The following ZNF777 variants were observed in gnomAD, a reference collection of about 807,000 sequenced individuals.
The protein encoded by ZNF777 is zinc finger protein 777.
A neutral mutation model predicts 72.1 loss-of-function variants in ZNF777; 7 were observed. The ratio of observed to expected loss-of-function variants is 0.10; its 90% CI spans 0.06 to 0.18. The LOEUF is 0.18. Among genes scored for constraint, ZNF777 ranks in the 10% least tolerant of loss-of-function variants. The pLI is 1.00. For synonymous variants in ZNF777, 545 were observed against 483.5 expected (o/e 1.13, Z -1.67); for missense variants, 828 against 1,128.6 (o/e 0.73, Z 3.82).
chr7:149,433,393 CTACT>C (rs1036055105), intron 5 of ZNF777, among the ~76,000 whole-genome samples: 7 of 152,186 alleles, frequency 4.6e-5, no homozygotes, highest in African/African-American at 1.4e-4. Context: ...TTCCATTAGG[CTACT>C]TAAAGGTTGG....
chr7:149,439,822 GATAA>G (rs1266254290), intron 4 of ZNF777, among the ~76,000 whole-genome samples: 6 of 152,220 alleles, frequency 3.9e-5, no homozygotes, highest in East Asian at 1.9e-4. Flanking sequence ...ACTATAGAAT[GATAA>G]ATAATTATCC....
Position 149,450,373 on chromosome 7 carries a change from A to G in ZNF777, c.1087+626T>C, listed in dbSNP as rs571139760. On this transcript the variant is annotated intron_variant, in intron 4 of 5. Transcript: ENST00000247930. Reference sequence around the variant, plus strand: ...TCACTGTGCCAGGCCCTACGGTTAGATATTAGTGCCAGTTCTATTTTATAG... The same window carrying G: ...TCACTGTGCCAGGCCCTACGGTTAGGTATTAGTGCCAGTTCTATTTTATAG... Among the ~76,000 whole-genome samples the G allele has an allele frequency of 1.6e-3, 249 of 152,338 alleles. 1 individual carries two copies. The highest frequency in any genetic ancestry group is 2.7e-3 in the Non-Finnish European group (186 of 68,034).
chr7:149,439,238 C>T (rs775722885), intron 4 of ZNF777, among the ~76,000 whole-genome samples: 2 of 152,020 alleles, frequency 1.3e-5, no homozygotes, highest in African/African-American at 4.8e-5. Context: ...CTTGTCTCTG[C>T]GCTAAATTGT....
rs1405854531 is a variant in ZNF777, at chr7:149,436,266, C to T, written c.1339+309G>A. On this transcript the variant is annotated intron_variant, in intron 5 of 5. Transcript: ENST00000247930. The surrounding 1 kb of genome is among the most constrained non-coding windows in gnomAD (Gnocchi z 5.0). Reference sequence around the variant, plus strand: ...GGGAGAGTTCTAGCTTTGCCACTCTCTGTGTGGCCTTGCCCCATCTATTTA... The same window carrying T: ...GGGAGAGTTCTAGCTTTGCCACTCTTTGTGTGGCCTTGCCCCATCTATTTA... 6.6e-6 allele frequency among the ~76,000 whole-genome samples: 1 copy of T among 152,126 alleles called. No homozygotes were observed. The highest frequency in any genetic ancestry group is 1.5e-5 in the Non-Finnish European group (1 of 68,006).
chr7:149,455,932 T>C lies in ZNF777; in HGVS notation c.91A>G (p.Thr31Ala). The C allele has an allele frequency of 6.2e-7, 1 of 1,613,266 alleles. No individual in the cohort carries two copies. Among genetic ancestry groups the C allele is most frequent in the South Asian group, 1.1e-5 (1 of 91,032 alleles). Residue 31 changes from threonine (T) to alanine (A), a missense_variant, in exon 2 of 6, where the codon ACT (threonine) becomes GCT (alanine). This residue lies in a region of ZNF777 where 222 missense variants were observed against 211.2 expected (regional missense o/e 1.05). Transcript: ENST00000247930. This position sits in a 1 kb window ranked among gnomAD's most constrained non-coding sequence, Gnocchi z 4.2. ...GGAAGAACGCGGGATTGGAACAGAG[T>C]TTCTCGGGGGAGTCCAGCAGGGGCC... ...RQAPAGLPRE[T>A]LFQSRVLPPK...
chr7:149,452,410 C>T (rs1799738971), intron 3 of ZNF777, among the ~76,000 whole-genome samples: 1 of 152,018 alleles, frequency 6.6e-6, no homozygotes, highest in Non-Finnish European at 1.5e-5. Context: ...GTGGCTGGAT[C>T]ACAAGGTCAG....
chr7:149,446,919 T>G (rs945392692), intron 4 of ZNF777, among the ~76,000 whole-genome samples: 12 of 152,144 alleles, frequency 7.9e-5, no homozygotes, highest in African/African-American at 2.9e-4. Flanking sequence ...GTCTTCCTGT[T>G]CCTAAACCAC....
At chr7:149,454,542 G>A (rs960813341) in intron 2 of ZNF777, among the ~76,000 whole-genome samples, 2 of 152,172 alleles carry the variant, frequency 1.3e-5, no homozygotes, top group East Asian at 1.9e-4. Context: ...GTAAGATCCC[G>A]GGGAGATCCA....
Position 149,455,547 on chromosome 7 carries a change from A to G in ZNF777, c.476T>C (p.Val159Ala). 1 of 1,612,926 alleles carries G rather than the reference A, an allele frequency of 6.2e-7. No individual in the cohort carries two copies. The highest frequency in any genetic ancestry group is 8.5e-7 in the Non-Finnish European group (1 of 1,179,872). The change falls in exon 2 of 6, where the codon GTT (valine) becomes GCT (alanine). Residue 159 changes from valine to alanine, a missense_variant. Physicochemically the swap from Val to Ala is moderately conservative, Grantham distance 64. Transcript: ENST00000247930. This position sits in a 1 kb window ranked among gnomAD's most constrained non-coding sequence, Gnocchi z 4.2. Reference protein sequence around the residue: ...TDMDPLLQSPVSQKDTPFQIS... With the variant: ...TDMDPLLQSPASQKDTPFQIS... The stretch of plus-strand genomic sequence containing the variant: ...CTGGAAAGGGGTGTCCTTTTGGGAA[A>G]CCGGGCTCTGGAGCAGCGGGTCCAT...
chr7:149,443,051 T>C (rs1363183361), intron 4 of ZNF777, among the ~76,000 whole-genome samples: 1 of 152,176 alleles, frequency 6.6e-6, no homozygotes, highest in East Asian at 1.9e-4. Flanking sequence ...ACCCAGAAAA[T>C]CCATTTCTAA....
rs1441532417 is a variant in ZNF777, at chr7:149,431,931, C to T, written c.2341G>A (p.Ala781Thr). 5 of 1,602,380 alleles carry T rather than the reference C, an allele frequency of 3.1e-6. No homozygotes were observed. The Admixed American group carries it at 5.1e-5, about 16-fold the overall frequency. The change falls in exon 6 of 6, where the codon GCC (alanine) becomes ACC (threonine). Residue 781 changes from alanine (A) to threonine (T), a missense_variant. Ala to Thr is a moderately conservative substitution (Grantham distance 58). Coordinates refer to ENST00000247930, the MANE Select transcript of ZNF777 (RefSeq NM_015694.3). ...IHTGERPYHCAECGKRFTQKH... is the reference protein window; with the variant it reads ...IHTGERPYHCTECGKRFTQKH... ...TGCGTGAAGCGCTTGCCGCACTCGG[C>T]GCAGTGGTAGGGCCGCTCGCCTGTG...
Position 149,432,923 on chromosome 7 carries a change from A to C in ZNF777, c.1349T>G (p.Val450Gly), listed in dbSNP as rs370803591. The C allele has an allele frequency of 4.0e-6, 6 of 1,482,274 alleles. No homozygotes were observed. The highest frequency in any genetic ancestry group is 5.4e-6 in the Non-Finnish European group (6 of 1,115,532). The allele number at this position is 1,482,274 out of a possible 1,614,324, so 91.8% of individuals were successfully genotyped here. Residue 450 changes from valine (V) to glycine (G), a missense_variant, in exon 6 of 6, where the codon GTG becomes GGG. By Grantham distance (109) the Val-to-Gly change is moderately radical. Transcript: ENST00000247930. ...VQQRNCTEGI[V>G]IKTEEQDEEE... The stretch of plus-strand genomic sequence containing the variant: ...CTCGTCTTGTTCCTCTGTCTTGATC[A>C]CGATCCCCTCTGCTCCAGGGACAGA...
intron 4 of ZNF777, among the ~76,000 whole-genome samples, chr7:149,444,414 G>A (rs1431096806): frequency 2.6e-5 from 4 of 152,102 alleles, no homozygotes; most frequent in South Asian, 4.1e-4. Context: ...TGGGACCTGC[G>A]GAGGTGCCCC....
In ZNF777 at chr7:149,432,207, T is replaced by C; in HGVS notation, c.2065A>G (p.Lys689Glu). 6.2e-7 allele frequency: 1 copy of C among 1,604,152 alleles called. No individual in the cohort carries two copies. Among genetic ancestry groups the C allele is most frequent in the Non-Finnish European group, 8.5e-7 (1 of 1,179,278 alleles). Reference sequence around the variant, plus strand: ...CTGCAGATGAAGGAGACCTCATGCTTGCCCGCGTGCACGCGCTGATGGATC... The same window carrying C: ...CTGCAGATGAAGGAGACCTCATGCTCGCCCGCGTGCACGCGCTGATGGATC... ...LVIHQRVHAGKHEVSFICSLC... is the reference protein window; with the variant it reads ...LVIHQRVHAGEHEVSFICSLC... The change falls in exon 6 of 6, where the codon AAG becomes GAG. Residue 689 changes from lysine (K) to glutamate (E), a missense_variant. Coordinates refer to ENST00000247930, the MANE Select transcript of ZNF777 (RefSeq NM_015694.3).
intron 1 of ZNF777, chr7:149,459,669 TG>T (rs1799906089): frequency 1.0e-6 from 1 of 984,968 alleles, no homozygotes; most frequent in Non-Finnish European, 1.2e-6. Context: ...TACGTGACCT[TG>T]GGGCCGGCAG....
intron 4 of ZNF777, among the ~76,000 whole-genome samples, chr7:149,441,116 C>A (rs1364305527): frequency 6.6e-6 from 1 of 152,192 alleles, no homozygotes; most frequent in Non-Finnish European, 1.5e-5. Flanking sequence ...CGTTTCCCAC[C>A]AAAAATGTCT....
At chr7:149,443,821 G>A (rs980960616) in intron 4 of ZNF777, among the ~76,000 whole-genome samples, 7 of 152,140 alleles carry the variant, frequency 4.6e-5, no homozygotes, top group African/African-American at 1.7e-4. Flanking sequence ...TCAAACTCCT[G>A]ACCTCAAGTG....
At chr7:149,459,902 A>G in intron 1 of ZNF777, 6 of 970,562 alleles carry the variant, frequency 6.2e-6, no homozygotes, top group Non-Finnish European at 7.3e-6. Context: ...CGGGCGTGAG[A>G]GCAGCCTCCC....
chr7:149,454,785 A>G (rs754962697), intron 2 of ZNF777, among the ~76,000 whole-genome samples: 14 of 152,246 alleles, frequency 9.2e-5, no homozygotes, highest in Non-Finnish European at 2.1e-4. Flanking sequence ...AAGTGAACTC[A>G]TAAAAATGTG....
Sources: gnomAD v4.1 joint callset for allele counts (sites outside exome capture counted in the v4.1 genomes callset) on GRCh38, gnomAD v4.1.1 for gene constraint, gnomAD v4.1.1 regional missense constraint, Gnocchi (gnomAD v3.1) non-coding constraint, MANE v1.5 for transcripts, NCBI Gene and HGNC (gene_info 2026-07-23, HGNC 2026-07-21) for gene names.